Variants in NEGR1 observed in about 807,000 individuals in gnomAD.
The protein encoded by NEGR1 is neuronal growth regulator 1.
Under a neutral mutation model 40.9 loss-of-function variants are expected in NEGR1, and 10 were observed. The ratio of observed to expected loss-of-function variants is 0.24; its 90% confidence interval spans 0.15 to 0.42. The LOEUF is 0.42. Ranked by LOEUF, NEGR1 falls within the 10% of genes least tolerant of loss-of-function variation. The pLI, the probability that NEGR1 is intolerant of heterozygous loss-of-function variation, is 1.00. For missense variants in NEGR1, 352 were observed against 438.9 expected (o/e 0.80, Z 1.77); for synonymous variants, 185 against 166.8 (o/e 1.11, Z -0.84).
intron 1 of NEGR1, among the ~76,000 whole-genome samples, chr1:72,139,427 T>A (rs1439589645): frequency 6.6e-6 from 1 of 151,928 alleles, no homozygotes; most frequent in African/African-American, 2.4e-5. Context: ...ATAAAAATAT[T>A]TGATCATTAT....
intron 1 of NEGR1, among the ~76,000 whole-genome samples, chr1:72,140,224 T>TTTGTTGTTGTTGTTG (rs59526560): frequency 0.016 from 2,398 of 150,716 alleles, 78 homozygotes; most frequent in African/African-American, 0.056. Flanking sequence ...GATAACTGTT[T>TTTGTTGTTGTTGTTG]TTGTTGTTGT....
chr1:71,482,194 C>T (rs1646858161), intron 6 of NEGR1, among the ~76,000 whole-genome samples: 1 of 151,844 alleles, frequency 6.6e-6, no homozygotes, highest in Non-Finnish European at 1.5e-5. Context: ...ACAAAACCCA[C>T]ACCACCAATA....
chr1:71,530,125 C>T (rs529899258), intron 6 of NEGR1, among the ~76,000 whole-genome samples: 29 of 151,322 alleles, frequency 1.9e-4, no homozygotes, highest in African/African-American at 6.5e-4. Flanking sequence ...AATATGAGAT[C>T]TGTGCTGAGT....
rs150484047 is a variant in NEGR1 at position 71,984,178 on chromosome 1, T to C, written c.177-48867A>G. On this transcript the variant is annotated intron_variant, in intron 1 of 6. Transcript: ENST00000357731. ...CTCTTTACTGCCTCCTGCCCACCCA[T>C]AGCCTTATAATCCTAACTTTTGGCT... Among the ~76,000 whole-genome samples, 17 of 146,708 alleles carry C rather than the reference T, an allele frequency of 1.2e-4. 2 individuals are homozygous for C. Among genetic ancestry groups the C allele is most frequent in the African/African-American group, 3.7e-4 (15 of 40,972 alleles).
At chr1:72,166,152 C>A (rs1651755995) in intron 1 of NEGR1, among the ~76,000 whole-genome samples, 1 of 151,820 alleles carries the variant, frequency 6.6e-6, no homozygotes, top group South Asian at 2.1e-4. Context: ...AACATACAGC[C>A]AGGGAATCTT....
intron 3 of NEGR1, among the ~76,000 whole-genome samples, chr1:71,769,500 G>A (rs1377469580): frequency 1.3e-5 from 2 of 152,178 alleles, no homozygotes; most frequent in Non-Finnish European, 2.9e-5. Flanking sequence ...CTGGTAGGAG[G>A]TAATTGAATG....
At chr1:71,751,087 T>C (rs1467238852) in intron 3 of NEGR1, among the ~76,000 whole-genome samples, 1 of 151,976 alleles carries the variant, frequency 6.6e-6, no homozygotes, top group Non-Finnish European at 1.5e-5. Flanking sequence ...TTGTTTTGTT[T>C]TTTTTTTGTT....
intron 3 of NEGR1, among the ~76,000 whole-genome samples, chr1:71,728,203 C>T (rs889456114): frequency 2.6e-5 from 4 of 152,014 alleles, no homozygotes; most frequent in African/African-American, 7.2e-5. Context: ...ATCCAAGAGA[C>T]CAGGGTGGGT....
chr1:71,704,163 TCACACACACACACACACACA>T (rs3077140), intron 3 of NEGR1, among the ~76,000 whole-genome samples: 19 of 142,120 alleles, frequency 1.3e-4, no homozygotes, highest in African/African-American at 4.8e-4. Context: ...TCTCTCTCTG[TCACACACACACACACACACA>T]CACACACACA....
At chr1:72,062,699 T>C (rs1363965790) in intron 1 of NEGR1, among the ~76,000 whole-genome samples, 1 of 151,934 alleles carries the variant, frequency 6.6e-6, no homozygotes, top group African/African-American at 2.4e-5. Context: ...CTTTCTAATC[T>C]AAGGAAAGTA....
intron 6 of NEGR1, among the ~76,000 whole-genome samples, chr1:71,501,089 A>C (rs1646996001): frequency 6.6e-6 from 1 of 152,042 alleles, no homozygotes; most frequent in Non-Finnish European, 1.5e-5. Context: ...TGACATTAAT[A>C]TGCAAATAAG....
chr1:71,861,951 T>C (rs1659961318), intron 2 of NEGR1, among the ~76,000 whole-genome samples: 1 of 152,100 alleles, frequency 6.6e-6, no homozygotes, highest in Non-Finnish European at 1.5e-5. Context: ...AAGGACATTA[T>C]ATACTTTTTG....
chr1:72,011,791 C>T (rs191680628), intron 1 of NEGR1, among the ~76,000 whole-genome samples: 25 of 152,198 alleles, frequency 1.6e-4, no homozygotes, highest in Admixed American at 9.8e-4. Context: ...AACAATGAGT[C>T]GGAGTAGCTG....
chr1:71,781,964 T>C (rs1490374600), intron 2 of NEGR1, among the ~76,000 whole-genome samples: 1 of 152,178 alleles, frequency 6.6e-6, no homozygotes, highest in Non-Finnish European at 1.5e-5. Context: ...AACAGCGAAA[T>C]GTACATTAGT....
chr1:71,921,623 T>C (rs1570504939), intron 2 of NEGR1, among the ~76,000 whole-genome samples: 1 of 148,892 alleles, frequency 6.7e-6, no homozygotes, highest in South Asian at 2.1e-4. Flanking sequence ...GAATACAGTA[T>C]AGAATACATA....
At chr1:71,608,149 CATG>C (rs1272235445) in intron 5 of NEGR1, among the ~76,000 whole-genome samples, 2 of 152,062 alleles carry the variant, frequency 1.3e-5, no homozygotes, top group Non-Finnish European at 2.9e-5. Context: ...TATTCATTAC[CATG>C]ATATTTGAGA....
intron 1 of NEGR1, among the ~76,000 whole-genome samples, chr1:72,135,968 G>A (rs538064689): frequency 6.6e-6 from 1 of 152,250 alleles, no homozygotes; most frequent in South Asian, 2.1e-4. Flanking sequence ...TTGCTCTAAT[G>A]TGCCCAACAG....
intron 6 of NEGR1, among the ~76,000 whole-genome samples, chr1:71,540,648 G>C (rs1452374961): frequency 6.6e-6 from 1 of 151,608 alleles, no homozygotes; most frequent in Non-Finnish European, 1.5e-5. Context: ...ATCTAAAAGG[G>C]GATTTGGCAA....
At chr1:71,632,368 A>C (rs779987497) in intron 4 of NEGR1, among the ~76,000 whole-genome samples, 1 of 151,372 alleles carries the variant, frequency 6.6e-6, no homozygotes, top group East Asian at 1.9e-4. Flanking sequence ...ATAATCTCCA[A>C]AATAATTCCA....
Sources: allele counts gnomAD v4.1 joint callset (sites outside exome capture counted in the v4.1 genomes callset), GRCh38; gene constraint gnomAD v4.1.1; transcripts MANE v1.5; gene names NCBI Gene and HGNC (gene_info 2026-07-23, HGNC 2026-07-21).